The following RBFOX1 variants were observed in gnomAD, a reference collection of about 807,000 sequenced individuals.
RBFOX1 encodes RNA binding fox-1 homolog 1.
RBFOX1 carries 8 observed loss-of-function variants against 57.7 expected under a neutral mutation model. That is an observed-to-expected ratio of 0.14 (90% CI 0.08 to 0.25). The LOEUF is 0.25. Ranked by LOEUF, RBFOX1 falls within the 10% of genes least tolerant of loss-of-function variation. The pLI, the probability that RBFOX1 is intolerant of heterozygous loss-of-function variation, is 1.00. For missense variants in RBFOX1, 611 were observed against 548.5 expected (o/e 1.11, Z -1.14); for synonymous variants, 326 against 222.4 (o/e 1.47, Z -4.15).
chr16:6,464,414 A>G (rs1399317591), intron 2 of RBFOX1, among the ~76,000 whole-genome samples: 3 of 127,088 alleles, frequency 2.4e-5, no homozygotes, highest in Admixed American at 1.6e-4. Flanking sequence ...AGCTACGCCA[A>G]TACACAAAAG....
intron 1 of RBFOX1, chr16:5,270,686 T>A: frequency 1.9e-6 from 1 of 524,976 alleles, no homozygotes; most frequent in South Asian, 1.7e-5. Context: ...TTGGAAATCA[T>A]GACCTGAGAT....
chr16:6,734,947 A>G lies in RBFOX1; in HGVS notation c.-16+80297A>G, dbSNP rs193218771. Among the ~76,000 whole-genome samples the G allele has an allele frequency of 9.8e-5, 15 of 152,290 alleles. No homozygotes were observed. The East Asian group carries it at 2.9e-3, about 29-fold the overall frequency. Reference sequence around the variant, plus strand: ...TTGAGCCCAGGAGTTTAAGACTGGCATGGGCAACACAGTGAGACTGTGTTT... The same window carrying G: ...TTGAGCCCAGGAGTTTAAGACTGGCGTGGGCAACACAGTGAGACTGTGTTT... On this transcript the variant is annotated intron_variant, in intron 3 of 15. Transcript: ENST00000550418.
Position 5,632,940 on chromosome 16 carries a change from C to CT in RBFOX1, c.318+33995dup, listed in dbSNP as rs71142634. On this transcript the variant is annotated intron_variant, in intron 3 of 19. Coordinates refer to the RBFOX1 transcript ENST00000641259. ...CCTGGGCTTGCAATCTTAACAACTC[C>CT]TTTTTTTTTTTTTTTTGAGGTGGAG... 1.1e-3 allele frequency among the ~76,000 whole-genome samples: 138 copies of CT among 125,578 alleles called. 9 individuals are homozygous for CT. The highest frequency in any genetic ancestry group is 2.5e-3 in the African/African-American group (80 of 32,634). The allele number at this position is 125,578 out of a possible 152,430, so 82.4% of individuals were successfully genotyped here. A position where few individuals can be genotyped will look rare whatever the true frequency, so the allele number is the denominator to read the frequency against.
At chr16:6,023,463 T>C (rs1481587146) in intron 1 of RBFOX1, among the ~76,000 whole-genome samples, 1 of 152,226 alleles carries the variant, frequency 6.6e-6, no homozygotes. Flanking sequence ...GGGTCTGCCC[T>C]GTATAGGAAT....
chr16:6,838,866 T>C (rs193247657), intron 3 of RBFOX1, among the ~76,000 whole-genome samples: 6 of 152,208 alleles, frequency 3.9e-5, no homozygotes, highest in Admixed American at 3.3e-4. Flanking sequence ...AAAATCACAC[T>C]GAGAATCTCA....
chr16:5,790,803 C>G (rs1047436045), intron 3 of RBFOX1, among the ~76,000 whole-genome samples: 52 of 151,894 alleles, frequency 3.4e-4, no homozygotes, highest in African/African-American at 1.2e-3. Context: ...TCCAGAGTCA[C>G]TGCTGCTGCT....
At position 5,745,248 on chromosome 16, in the gene RBFOX1, C is replaced by G. The variant is rs989248838; in HGVS notation, c.319-122055C>G. On this transcript the variant is annotated intron_variant, in intron 3 of 19. Transcript: ENST00000641259. ...GAGAATGATGGTTTCCAGCTTCATCCATGTCTCTACAAAGGACATGAACTC... is the reference window on the plus strand; with the variant it reads ...GAGAATGATGGTTTCCAGCTTCATCGATGTCTCTACAAAGGACATGAACTC... 5.3e-5 allele frequency among the ~76,000 whole-genome samples: 8 copies of G among 152,126 alleles called. No homozygotes were observed. The East Asian group carries it at 1.5e-3, about 29-fold the overall frequency.
chr16:5,625,573 T>TA (rs2048326624), intron 3 of RBFOX1, among the ~76,000 whole-genome samples: 2 of 151,880 alleles, frequency 1.3e-5, no homozygotes, highest in East Asian at 1.9e-4. Context: ...TTTATTTATT[T>TA]TCGAGATGGA....
At chr16:5,524,583 C>G (rs9926400) in intron 2 of RBFOX1, among the ~76,000 whole-genome samples, 6,417 of 150,894 alleles carry the variant, frequency 0.043, 484 homozygotes, top group African/African-American at 0.15. Flanking sequence ...CTCTGTCGCC[C>G]AGGCTGGAGT....
intron 4 of RBFOX1, among the ~76,000 whole-genome samples, chr16:7,402,819 A>T (rs951546717): frequency 3.9e-5 from 6 of 152,148 alleles, no homozygotes; most frequent in Non-Finnish European, 8.8e-5. Flanking sequence ...CTCTAGAAAG[A>T]GTTGTTATTT....
intron 2 of RBFOX1, among the ~76,000 whole-genome samples, chr16:6,355,155 T>C (rs1383946488): frequency 6.6e-6 from 1 of 152,210 alleles, no homozygotes; most frequent in Non-Finnish European, 1.5e-5. Flanking sequence ...ATTAGTATAC[T>C]TTAAGTTCTG....
At chr16:5,447,239 A>G (rs1190033118) in intron 1 of RBFOX1, among the ~76,000 whole-genome samples, 1 of 152,106 alleles carries the variant, frequency 6.6e-6, no homozygotes, top group African/African-American at 2.4e-5. Context: ...GTGTGTGATT[A>G]TAAGAACTCA....
intron 4 of RBFOX1, among the ~76,000 whole-genome samples, chr16:7,348,979 C>A (rs187595511): frequency 6.6e-6 from 1 of 152,088 alleles, no homozygotes; most frequent in Non-Finnish European, 1.5e-5. Context: ...AGAGATTGAT[C>A]GGCTCCAGTC....
At chr16:7,448,927 G>GTTGT (rs1555462872) in intron 4 of RBFOX1, among the ~76,000 whole-genome samples, 9 of 82,978 alleles carry the variant, frequency 1.1e-4, no homozygotes, top group Non-Finnish European at 1.7e-4. Flanking sequence ...TCTTTCCCCT[G>GTTGT]TTTTTTTTTT....
At chr16:7,181,172 C>G (rs932786349) in intron 4 of RBFOX1, among the ~76,000 whole-genome samples, 3 of 152,088 alleles carry the variant, frequency 2.0e-5, no homozygotes, top group Admixed American at 6.5e-5. Context: ...CCTTGTGGTT[C>G]AAAGACTTCT....
At chr16:5,662,135 C>T (rs2151390902) in intron 3 of RBFOX1, among the ~76,000 whole-genome samples, 1 of 152,260 alleles carries the variant, frequency 6.6e-6, no homozygotes, top group Non-Finnish European at 1.5e-5. Flanking sequence ...TGACAAACAT[C>T]TTTCCATTTT....
chr16:7,647,045 T>A (rs564864921), intron 11 of RBFOX1, among the ~76,000 whole-genome samples: 18 of 152,300 alleles, frequency 1.2e-4, no homozygotes, highest in African/African-American at 4.1e-4. Flanking sequence ...CGTTCTAAAA[T>A]GTTGATTTGC....
At chr16:6,797,986 T>C (rs533739740) in intron 3 of RBFOX1, among the ~76,000 whole-genome samples, 4 of 152,194 alleles carry the variant, frequency 2.6e-5, no homozygotes, top group South Asian at 2.1e-4. Flanking sequence ...ATAGCGGTGA[T>C]GGTGATGATG....
chr16:6,636,799 TATATATA>T (rs1298210308), intron 2 of RBFOX1, among the ~76,000 whole-genome samples: 1,638 of 7,012 alleles, frequency 0.23, 59 homozygotes, highest in Middle Eastern at 0.5. Context: ...TAATATATGT[TATATATA>T]ATATATAATA....
Sources: gnomAD v4.1 joint callset for allele counts (sites outside exome capture counted in the v4.1 genomes callset) on GRCh38, gnomAD v4.1.1 for gene constraint, MANE v1.5 for transcripts, NCBI Gene and HGNC (gene_info 2026-07-23, HGNC 2026-07-21) for gene names.